The following CSMD2 variants were observed in gnomAD, a reference collection of about 807,000 sequenced individuals.
CSMD2 encodes CUB and Sushi multiple domains 2, also known as CUB and sushi domain-containing protein 2.
A neutral mutation model predicts 398.5 loss-of-function variants in CSMD2; 130 were observed. The ratio of observed to expected loss-of-function variants is 0.33; its 90% CI spans 0.28 to 0.38. The LOEUF (loss-of-function observed/expected upper bound fraction) is 0.38, where lower values mean the gene tolerates loss of function less well. CSMD2 is among the 10% of genes least tolerant of loss of function. The pLI, the probability that CSMD2 is intolerant of heterozygous loss-of-function variation, is 1.00. For missense variants in CSMD2, 3,829 were observed against 4,764.9 expected (o/e 0.80, Z 5.78); for synonymous variants, 1,828 against 1,908.5 (o/e 0.96, Z 1.10).
At chr1:33,868,579 T>C (rs1490304689) in intron 5 of CSMD2, among the ~76,000 whole-genome samples, 6 of 151,968 alleles carry the variant, frequency 3.9e-5, no homozygotes, top group African/African-American at 1.4e-4. Flanking sequence ...CTACTAAAAA[T>C]ACAAAAATTA....
At chr1:33,699,049 C>T (rs112574089) in intron 23 of CSMD2, 105 bp from the exon 24 acceptor site, 12 of 941,038 alleles carry the variant, frequency 1.3e-5, no homozygotes, top group African/African-American at 3.3e-5. Context: ...GTCTCAGCCA[C>T]GGACCCTGGG....
intron 2 of CSMD2, among the ~76,000 whole-genome samples, chr1:34,083,048 C>T (rs1198522857): frequency 6.8e-6 from 1 of 147,486 alleles, no homozygotes; most frequent in Non-Finnish European, 1.5e-5. Context: ...CTCCGAGAAA[C>T]ACCCAAGAAT....
intron 2 of CSMD2, among the ~76,000 whole-genome samples, chr1:34,052,495 CTGTGTGTG>C (rs143571706): frequency 2.5e-4 from 34 of 134,162 alleles, no homozygotes; most frequent in African/African-American, 8.0e-4. Flanking sequence ...TATGGGACAA[CTGTGTGTG>C]TGTGTGTGTG....
At position 33,550,413 on chromosome 1, in the gene CSMD2, C is replaced by G. The variant is rs1409886589; in HGVS notation, c.8744-63G>C. 2.7e-6 allele frequency: 4 copies of G among 1,500,918 alleles called. No individual in the cohort carries two copies. In the African/African-American group the frequency reaches 5.5e-5, roughly 21 times the overall value. The allele number at this position is 1,500,918 out of a possible 1,614,324, so 93.0% of individuals were successfully genotyped here. A position where few individuals can be genotyped will look rare whatever the true frequency, so the allele number is the denominator to read the frequency against. On this transcript the variant is annotated intron_variant, in intron 55 of 70. Coordinates refer to ENST00000373381, the MANE Select transcript of CSMD2 (RefSeq NM_001281956.2). The stretch of plus-strand genomic sequence containing the variant: ...AGGGATGGCTCACCATCACACAATC[C>G]ATGCTAGGCTTCTTTAAGCAAGAGG...
At chr1:34,064,333 T>C (rs1337040305) in intron 2 of CSMD2, among the ~76,000 whole-genome samples, 1 of 152,184 alleles carries the variant, frequency 6.6e-6, no homozygotes, top group Non-Finnish European at 1.5e-5. Flanking sequence ...AAATGGAATG[T>C]TTTTAACAGC....
chr1:34,135,072 T>A (rs1771385), intron 1 of CSMD2, among the ~76,000 whole-genome samples: 1 of 152,038 alleles, frequency 6.6e-6, no homozygotes, highest in East Asian at 1.9e-4. Context: ...GCAATCTGTA[T>A]TTTAACAAGA....
intron 49 of CSMD2, among the ~76,000 whole-genome samples, chr1:33,575,283 TG>T (rs1659967613): frequency 6.6e-6 from 1 of 152,122 alleles, no homozygotes; most frequent in African/African-American, 2.4e-5. Context: ...GGAAAAGTCA[TG>T]GTTTGGAAAC....
intron 22 of CSMD2, among the ~76,000 whole-genome samples, chr1:33,702,283 G>A (rs1460045151): frequency 6.6e-6 from 1 of 152,112 alleles, no homozygotes; most frequent in African/African-American, 2.4e-5. Context: ...AAAATATTAT[G>A]ACATCTATGA....
chr1:33,880,950 A>C (rs934492037), intron 5 of CSMD2, among the ~76,000 whole-genome samples: 1 of 152,166 alleles, frequency 6.6e-6, no homozygotes, highest in Non-Finnish European at 1.5e-5. Context: ...TAATTACTGT[A>C]TTGTTATTTT....
At chr1:34,114,117 G>A (rs1161478695) in intron 1 of CSMD2, among the ~76,000 whole-genome samples, 1 of 152,076 alleles carries the variant, frequency 6.6e-6, no homozygotes, top group African/African-American at 2.4e-5. Context: ...ACACCAGAGG[G>A]AGCAAGAAAT....
At chr1:33,990,360 T>C (rs1646507896) in intron 3 of CSMD2, among the ~76,000 whole-genome samples, 1 of 152,198 alleles carries the variant, frequency 6.6e-6, no homozygotes, top group Non-Finnish European at 1.5e-5. Context: ...CAAAGATCTA[T>C]TCATGGGCTG....
Position 33,935,776 on chromosome 1 carries a change from G to A in CSMD2, c.696C>T (p.Pro232=), listed in dbSNP as rs1266484557. Reference sequence around the variant, plus strand: ...GCCACCTACCTCTGCAGGAAGGCAGGGGGAAGTCCCACGTGGCGCTGTTCT... The same window carrying A: ...GCCACCTACCTCTGCAGGAAGGCAGAGGGAAGTCCCACGTGGCGCTGTTCT... ...GSENSATWDF[P]LPSCRADDAC... Residue 232 remains proline, a synonymous_variant, in exon 4 of 71, where the codon CCC becomes CCT. Transcript: ENST00000373381. 1.2e-6 allele frequency: 2 copies of A among 1,608,168 alleles called. No homozygotes were observed. Among genetic ancestry groups the A allele is most frequent in the African/African-American group, 2.7e-5 (2 of 74,852 alleles).
At chr1:34,074,398 GC>G (rs1164820438) in intron 2 of CSMD2, among the ~76,000 whole-genome samples, 2 of 152,200 alleles carry the variant, frequency 1.3e-5, no homozygotes, top group Non-Finnish European at 2.9e-5. Flanking sequence ...GCTGGCCCGG[GC>G]CACTGCTCCA....
intron 6 of CSMD2, 48 bp from the exon 7 acceptor site, chr1:33,825,822 C>T (rs772112029): frequency 6.0e-6 from 9 of 1,496,860 alleles, no homozygotes; most frequent in South Asian, 2.3e-5. Context: ...TGCCTGTGAC[C>T]AGGGATAAGG....
At chr1:33,578,316 G>A (rs1297232263) in intron 48 of CSMD2, among the ~76,000 whole-genome samples, 1 of 152,192 alleles carries the variant, frequency 6.6e-6, no homozygotes, top group Non-Finnish European at 1.5e-5. Context: ...CTGGGCTCAC[G>A]CCAGTAATCC....
At chr1:33,755,056 T>C (rs1648800024) in intron 13 of CSMD2, among the ~76,000 whole-genome samples, 1 of 151,968 alleles carries the variant, frequency 6.6e-6, no homozygotes. Context: ...GAGATTGGTG[T>C]TCATGAATTT....
chr1:33,856,197 C>A (rs1012202125), intron 5 of CSMD2, among the ~76,000 whole-genome samples: 1 of 152,214 alleles, frequency 6.6e-6, no homozygotes, highest in Non-Finnish European at 1.5e-5. Context: ...TGGGATCTTA[C>A]CAATGCCTTG....
chr1:33,747,520 A>G (rs1647551691), intron 13 of CSMD2, among the ~76,000 whole-genome samples: 1 of 152,238 alleles, frequency 6.6e-6, no homozygotes, highest in Admixed American at 6.5e-5. Flanking sequence ...CTTCAAAATT[A>G]CCAAAGGGGA....
intron 5 of CSMD2, among the ~76,000 whole-genome samples, chr1:33,904,647 AG>A (rs550271037): frequency 1.9e-3 from 271 of 140,932 alleles, no homozygotes; most frequent in African/African-American, 6.9e-3. Context: ...ATGGAATGAT[AG>A]GTTTTTTTGT....
Sources: gnomAD v4.1 joint callset for allele counts (sites outside exome capture counted in the v4.1 genomes callset) on GRCh38, gnomAD v4.1.1 for gene constraint, MANE v1.5 for transcripts, NCBI Gene and HGNC (gene_info 2026-07-23, HGNC 2026-07-21) for gene names.